The following ZNF66 variants were observed in gnomAD, a reference collection of about 807,000 sequenced individuals.
ZNF66 encodes zinc finger protein 66, also known as putative zinc finger protein 66.
A neutral mutation model predicts 35.2 loss-of-function variants in ZNF66; 32 were observed. That is an observed-to-expected ratio of 0.91 (90% confidence interval 0.69 to 1.22). The LOEUF is 1.22. Among genes scored for constraint, ZNF66 ranks in the 50% most tolerant of loss-of-function variants. The probability of loss-of-function intolerance (pLI) is 0.00; values close to 1 mark genes in which losing one functional copy is unlikely to be tolerated. For missense variants in ZNF66, 666 were observed against 543.1 expected, an observed-to-expected ratio of 1.23 and a Z score of -2.25; for synonymous variants, 231 against 181.3, an observed-to-expected ratio of 1.27 and a Z score of -2.20.
At chr19:20,779,942 A>C (rs1388436267) in intron 1 of ZNF66, among the ~76,000 whole-genome samples, 3 of 151,634 alleles carry the variant, frequency 2.0e-5, no homozygotes, top group Non-Finnish European at 4.4e-5. Flanking sequence ...AAAAAAAAAA[A>C]AACACCAAAA....
At chr19:20,799,078 T>TTTTTTTTTTTTTTTTTTTTTTTTTTC (rs1460346688) in intron 3 of ZNF66, 1 of 140,000 alleles carries the variant, frequency 7.1e-6, no homozygotes, top group Non-Finnish European at 1.6e-5. Flanking sequence ...TTTTTTTTTT[T>TTTTTTTTTTTTTTTTTTTTTTTTTTC]TGAGATGGAA....
At chr19:20,776,834 G>A (rs1249166777) in intron 1 of ZNF66, among the ~76,000 whole-genome samples, 1 of 152,122 alleles carries the variant, frequency 6.6e-6, no homozygotes. Flanking sequence ...ATTGTATGGG[G>A]CCGGGCGCGG....
At chr19:20,777,851 A>G (rs1460838394) in intron 1 of ZNF66, among the ~76,000 whole-genome samples, 1 of 152,042 alleles carries the variant, frequency 6.6e-6, no homozygotes, top group African/African-American at 2.4e-5. Context: ...GCTAGTTACC[A>G]AGGAAAAATA....
chr19:20,793,327 C>CTTTTTTTTTTTTTT lies in ZNF66; in HGVS notation c.131-452_131-451insTTTTTTTTTTTTTT, dbSNP rs879637768. Among the ~76,000 whole-genome samples, 46 of 74,712 alleles carry CTTTTTTTTTTTTTT rather than the reference C, an allele frequency of 6.2e-4. 2 individuals carry two copies. The highest frequency in any genetic ancestry group is 8.7e-4 in the East Asian group (2 of 2,286). 49.0% of individuals were successfully genotyped at this position (74,712 alleles called of 152,430 possible). On this transcript the variant is annotated intron_variant, in intron 2 of 3. Transcript: ENST00000344519. Reference sequence around the variant, plus strand: ...CTTTTCTTTTCTTTTCTTTTCTTTTCTTTTCTTTTTTTTTTTTTTTTGAGA... The same window carrying CTTTTTTTTTTTTTT: ...CTTTTCTTTTCTTTTCTTTTCTTTTCTTTTTTTTTTTTTTTTTTCTTTTTTTTTTTTTTTTGAGA...
chr19:20,801,718 C>T (rs531865716), intron 3 of ZNF66, among the ~76,000 whole-genome samples: 2 of 152,108 alleles, frequency 1.3e-5, no homozygotes, highest in Admixed American at 6.6e-5. Flanking sequence ...CTTGAACCTC[C>T]CAAACTCAGA....
chr19:20,781,394 C>T (rs965280961), intron 1 of ZNF66, among the ~76,000 whole-genome samples: 13 of 152,204 alleles, frequency 8.5e-5, no homozygotes, highest in African/African-American at 3.1e-4. Context: ...CACCCTCCAC[C>T]CTCAACTAGG....
chr19:20,806,437 T>C lies in ZNF66; in HGVS notation c.837T>C (p.His279=). The change falls in exon 4 of 4, where the codon CAT becomes CAC. Residue 279 remains histidine (H), a synonymous_variant. Coordinates refer to ENST00000344519, the MANE Select transcript of ZNF66 (RefSeq NM_001355197.2). ...SSILTTHKRI[H]TGEKPYKCEE... is the part of the protein sequence containing the mutation. ...TCCTTACTACACATAAGAGAATTCA[T>C]ACTGGAGAGAAACCCTACAAATGTG... 2 of 1,551,274 alleles carry C rather than the reference T, an allele frequency of 1.3e-6. No homozygotes were observed. Among genetic ancestry groups the C allele is most frequent in the Non-Finnish European group, 1.8e-6 (2 of 1,123,212 alleles).
intron 1 of ZNF66, 39 bp downstream of exon 1, chr19:20,776,489 G>A (rs758404195): frequency 6.5e-7 from 1 of 1,527,674 alleles, no homozygotes; most frequent in South Asian, 1.1e-5. Context: ...GAGGTGAAGT[G>A]TCTGTGGCGG....
chr19:20,793,327 C>CTTTTTTTTTT (rs879637768), intron 2 of ZNF66, among the ~76,000 whole-genome samples: 17 of 74,720 alleles, frequency 2.3e-4, no homozygotes, highest in South Asian at 5.3e-4. Context: ...CTTTTCTTTT[C>CTTTTTTTTTT]TTTTCTTTTT....
chr19:20,794,667 C>T (rs184952328), intron 3 of ZNF66: 3 of 150,660 alleles, frequency 2.0e-5, no homozygotes, highest in East Asian at 3.9e-4. Flanking sequence ...ATTTTTTTCT[C>T]AGGAATTTAT....
Position 20,807,374 on chromosome 19 carries a change from C to G in ZNF66, c.*52C>G. 1.7e-6 allele frequency: 1 copy of G among 572,664 alleles called. No homozygotes were observed. 35.5% of individuals were successfully genotyped at this position (572,664 alleles called of 1,614,324 possible). ...AGATAATTCATACTGGAGAGAAACC[C>G]TATGAGTTTGATGAATGTGGGAAAG... On this transcript the variant is annotated 3_prime_UTR_variant, in exon 4 of 4. Coordinates refer to ENST00000344519, the MANE Select transcript of ZNF66 (RefSeq NM_001355197.2).
At chr19:20,785,615 A>G (rs1210796817) in intron 1 of ZNF66, among the ~76,000 whole-genome samples, 1 of 152,116 alleles carries the variant, frequency 6.6e-6, no homozygotes, top group East Asian at 1.9e-4. Flanking sequence ...TGTTAAACAT[A>G]TTGACCATGA....
intron 1 of ZNF66, among the ~76,000 whole-genome samples, chr19:20,787,632 C>A (rs1971298868): frequency 6.6e-6 from 1 of 152,148 alleles, no homozygotes; most frequent in African/African-American, 2.4e-5. Context: ...CATTGACCTG[C>A]TACAGTGATG....
At chr19:20,799,876 T>G (rs1416691665) in intron 3 of ZNF66, among the ~76,000 whole-genome samples, 1 of 152,236 alleles carries the variant, frequency 6.6e-6, no homozygotes, top group East Asian at 1.9e-4. Context: ...TAAAATTTGT[T>G]GCCCCCTGAG....
chr19:20,803,635 T>A (rs186379449), intron 3 of ZNF66, among the ~76,000 whole-genome samples: 2 of 152,262 alleles, frequency 1.3e-5, no homozygotes. Flanking sequence ...ATTATGATAA[T>A]GTTAAGAAAT....
Position 20,807,802 on chromosome 19 carries a change from T to A in ZNF66, c.*480T>A, listed in dbSNP as rs1237942087. Among the ~76,000 whole-genome samples the A allele has an allele frequency of 6.6e-6, 1 of 152,100 alleles. No homozygotes were observed. The highest frequency in any genetic ancestry group is 1.5e-5 in the Non-Finnish European group (1 of 68,030). Reference sequence around the variant, plus strand: ...CTGAGCGACGCAGAAGATGGGTGATTTCTGCATTTCCGTCTGATGTACCAG... The same window carrying A: ...CTGAGCGACGCAGAAGATGGGTGATATCTGCATTTCCGTCTGATGTACCAG... On this transcript the variant is annotated 3_prime_UTR_variant, in exon 4 of 4. Coordinates refer to ENST00000344519, the MANE Select transcript of ZNF66 (RefSeq NM_001355197.2).
Position 20,793,846 on chromosome 19 carries a change from T to A in ZNF66, c.194T>A (p.Met65Lys). 2 of 1,184,696 alleles carry A rather than the reference T, an allele frequency of 1.7e-6. No homozygotes were observed. The highest frequency in any genetic ancestry group is 2.4e-6 in the Non-Finnish European group (2 of 840,918). 73.4% of individuals were successfully genotyped at this position (1,184,696 alleles called of 1,614,324 possible). A position where few individuals can be genotyped will look rare whatever the true frequency, so the allele number is the denominator to read the frequency against. ...GAGCAAGGAAAAAAACCTTCGACTA[T>A]GCAGAGACATGAGATGGTAGCCAAC... The part of the protein sequence containing the change: ...HLEQGKKPST[M>K]QRHEMVANPS... The change falls in exon 3 of 4, where the codon ATG (methionine) becomes AAG (lysine). Residue 65 changes from methionine (M) to lysine (K), a missense_variant. Physicochemically the swap from Met to Lys is moderately conservative, Grantham distance 95 (BLOSUM62 -1). Coordinates refer to ENST00000344519, the MANE Select transcript of ZNF66 (RefSeq NM_001355197.2).
At chr19:20,791,412 G>T (rs544038029) in intron 1 of ZNF66, among the ~76,000 whole-genome samples, 15 of 151,320 alleles carry the variant, frequency 9.9e-5, no homozygotes, top group African/African-American at 3.4e-4. Flanking sequence ...TTGAACCCAG[G>T]AGGCGGAGGT....
rs1971193356 is a variant in ZNF66, at chr19:20,776,343, T to C, written c.-105T>C. 2.0e-6 allele frequency: 3 copies of C among 1,478,940 alleles called. No individual in the cohort carries two copies. The highest frequency in any genetic ancestry group is 1.1e-5 in the South Asian group (1 of 88,288). 91.6% of individuals were successfully genotyped at this position (1,478,940 alleles called of 1,614,324 possible). On this transcript the variant is annotated 5_prime_UTR_variant, in exon 1 of 4. Transcript: ENST00000344519. Reference sequence around the variant, plus strand: ...CTGGAGCTCCAGGTCGTCTGTTCACTGCTCTCTGTCTTCTTCTCCTAGAGG... The same window carrying C: ...CTGGAGCTCCAGGTCGTCTGTTCACCGCTCTCTGTCTTCTTCTCCTAGAGG...
Sources: gnomAD v4.1 joint callset for allele counts (sites outside exome capture counted in the v4.1 genomes callset) on GRCh38, gnomAD v4.1.1 for gene constraint, MANE v1.5 for transcripts, NCBI Gene and HGNC (gene_info 2026-07-23, HGNC 2026-07-21) for gene names.